ATP11A: variants seen among roughly 807,000 people sequenced by gnomAD.
ATP11A encodes ATPase phospholipid transporting 11A.
A neutral mutation model predicts 154.4 loss-of-function variants in ATP11A; 81 were observed. The observed-to-expected ratio is 0.52, with a 90% CI of 0.44 to 0.63. The LOEUF (loss-of-function observed/expected upper bound fraction) is 0.63, where lower values mean the gene tolerates loss of function less well. Among genes scored for constraint, ATP11A ranks in the 30% least tolerant of loss-of-function variants. The probability of loss-of-function intolerance (pLI) is 0.00; values close to 1 mark genes in which losing one functional copy is unlikely to be tolerated. For missense variants in ATP11A, 1,316 were observed against 1,474.3 expected (o/e 0.89, Z 1.76); for synonymous variants, 623 against 585.9 (o/e 1.06, Z -0.91).
At chr13:112,871,894 G>C (rs2080534304) in intron 26 of ATP11A, 94 bp downstream of exon 26, 4 of 1,333,778 alleles carry the variant, frequency 3.0e-6, no homozygotes, top group Admixed American at 1.8e-5. Flanking sequence ...TTATAACTCT[G>C]TACTGAGGCT....
At chr13:112,819,858 G>T (rs200308371) in intron 7 of ATP11A, 42 bp from the exon 8 acceptor site, 2 of 1,612,220 alleles carry the variant, frequency 1.2e-6, no homozygotes, top group South Asian at 1.1e-5. Flanking sequence ...CCCGGGGGCC[G>T]CTGGGCGCGT....
intron 1 of ATP11A, among the ~76,000 whole-genome samples, chr13:112,724,339 G>C (rs570437428): frequency 6.6e-6 from 1 of 151,748 alleles, no homozygotes; most frequent in Non-Finnish European, 1.5e-5. Context: ...TGCCATAAAC[G>C]TCAGGGAGGG....
intron 1 of ATP11A, among the ~76,000 whole-genome samples, chr13:112,744,359 C>T (rs551553999): frequency 1.3e-5 from 2 of 151,412 alleles, no homozygotes; most frequent in Non-Finnish European, 2.9e-5. Flanking sequence ...TCCCGGCACC[C>T]GGCTTCGGAT....
intron 25 of ATP11A, 57 bp downstream of exon 25, chr13:112,862,632 C>T: frequency 1.2e-6 from 2 of 1,608,314 alleles, no homozygotes; most frequent in East Asian, 2.2e-5. Context: ...GCCTCCCAAG[C>T]CCATATGATG....
In ATP11A at chr13:112,831,437, G is replaced by A; in HGVS notation, c.1284G>A (p.Glu428=). The change falls in exon 13 of 30, where the codon GAG becomes GAA. Residue 428 remains glutamate, a synonymous_variant. Transcript: ENST00000375645. The part of the protein sequence containing the change: ...TLTENNMEFK[E]CCIEGHVYVP... ...CGGAAAACAACATGGAGTTCAAGGA[G>A]TGCTGCATCGAAGGCCATGTCTACG... The A allele has an allele frequency of 6.2e-7, 1 of 1,614,210 alleles. No homozygotes were observed. The highest frequency in any genetic ancestry group is 8.5e-7 in the Non-Finnish European group (1 of 1,180,032).
chr13:112,871,074 G>A (rs904567998), intron 25 of ATP11A, among the ~76,000 whole-genome samples: 5 of 152,220 alleles, frequency 3.3e-5, no homozygotes, highest in African/African-American at 1.2e-4. Context: ...CTGTCTGCCG[G>A]CTTGTCTTCT....
chr13:112,840,349 C>T (rs111173910), intron 16 of ATP11A, among the ~76,000 whole-genome samples: 1 of 136,398 alleles, frequency 7.3e-6, no homozygotes, highest in Admixed American at 7.1e-5. Context: ...TCAGCCTCCC[C>T]ACTCTCCCGT....
intron 1 of ATP11A, among the ~76,000 whole-genome samples, chr13:112,721,006 G>C (rs988139618): frequency 1.3e-5 from 2 of 152,114 alleles, no homozygotes; most frequent in African/African-American, 4.8e-5. Context: ...TTTGGCTCTT[G>C]AAGTCAGAAG....
chr13:112,867,602 C>T (rs2080378541), intron 25 of ATP11A, among the ~76,000 whole-genome samples: 1 of 152,220 alleles, frequency 6.6e-6, no homozygotes, highest in Admixed American at 6.5e-5. Flanking sequence ...TCAGCTGCAC[C>T]TGGTGGTCAG....
At chr13:112,794,563 T>C (rs1354288766) in intron 2 of ATP11A, among the ~76,000 whole-genome samples, 2 of 152,150 alleles carry the variant, frequency 1.3e-5, no homozygotes, top group Admixed American at 6.5e-5. Context: ...CAGCCCTCAG[T>C]GCCTGATTAG....
intron 25 of ATP11A, among the ~76,000 whole-genome samples, chr13:112,867,647 G>A (rs943028266): frequency 2.6e-5 from 4 of 152,182 alleles, no homozygotes; most frequent in Admixed American, 1.3e-4. Flanking sequence ...CCTGGGATCC[G>A]AGGATTTCTA....
intron 1 of ATP11A, among the ~76,000 whole-genome samples, chr13:112,699,334 G>A (rs1306747621): frequency 1.3e-5 from 2 of 152,176 alleles, no homozygotes; most frequent in African/African-American, 4.8e-5. Context: ...CCATTTTTCT[G>A]TGGTTTTTAT....
In ATP11A at chr13:112,772,256, C is replaced by T. The variant is rs962105186; in HGVS notation, c.40-12879C>T. 2.0e-5 allele frequency among the ~76,000 whole-genome samples: 3 copies of T among 152,050 alleles called. No homozygotes were observed. The East Asian group carries it at 5.8e-4, about 29-fold the overall frequency. ...CTAAACTTTAAAAATGTTGCTGACA[C>T]GAAAATTGAGAGAAGCCTACGTTTG... On this transcript the variant is annotated intron_variant, in intron 1 of 29. Coordinates refer to ENST00000375645, the MANE Select transcript of ATP11A (RefSeq NM_015205.3).
Position 112,825,415 on chromosome 13 carries a change from G to C in ATP11A, c.873-15G>C, listed in dbSNP as rs1305813820. On this transcript the variant is annotated splice_polypyrimidine_tract_variant and intron_variant, in intron 10 of 29. Transcript: ENST00000375645. ...TCCTCAGGGACCAGTGATCACCTCT[G>C]TCCTTTTGTTTTAGATCGATGAATG... The C allele has an allele frequency of 1.1e-5, 18 of 1,602,678 alleles. No homozygotes were observed. Among genetic ancestry groups the C allele is most frequent in the Non-Finnish European group, 1.5e-5 (18 of 1,174,016 alleles).
intron 1 of ATP11A, among the ~76,000 whole-genome samples, chr13:112,748,606 T>G (rs1015715599): frequency 4.6e-5 from 7 of 152,130 alleles, no homozygotes; most frequent in African/African-American, 1.7e-4. Flanking sequence ...ACTCATGCGA[T>G]CCATTCGCCG....
rs574887292 is a variant in ATP11A, at chr13:112,748,884, T to C, written c.40-36251T>C. 8.1e-4 allele frequency among the ~76,000 whole-genome samples: 124 copies of C among 152,340 alleles called. 1 individual carries two copies. The highest frequency in any genetic ancestry group is 1.7e-3 in the Admixed American group (26 of 15,300). On this transcript the variant is annotated intron_variant, in intron 1 of 29. Transcript: ENST00000375645. ...AACTACTGGAGGAGCTTCGAGGTCA[T>C]GCCAGTGTCCTTAACACTCGCGTTT...
chr13:112,867,490 G>A (rs1457638786), intron 25 of ATP11A, among the ~76,000 whole-genome samples: 1 of 152,200 alleles, frequency 6.6e-6, no homozygotes, highest in Non-Finnish European at 1.5e-5. Flanking sequence ...TCCTGAATGA[G>A]GTGCTGGCAA....
At chr13:112,791,468 C>T (rs565654503) in intron 2 of ATP11A, among the ~76,000 whole-genome samples, 38 of 152,348 alleles carry the variant, frequency 2.5e-4, no homozygotes, top group South Asian at 6.2e-4. Context: ...CCAGCAGCAG[C>T]GGCAGAGCTT....
At chr13:112,873,157 G>A (rs376488288) in intron 26 of ATP11A, among the ~76,000 whole-genome samples, 48 of 50,824 alleles carry the variant, frequency 9.4e-4, no homozygotes, top group South Asian at 1.7e-3. Flanking sequence ...GTCTTCCTGA[G>A]TGGTGTGAGG....
Sources: allele counts gnomAD v4.1 joint callset (sites outside exome capture counted in the v4.1 genomes callset), GRCh38; gene constraint gnomAD v4.1.1; transcripts MANE v1.5; gene names NCBI Gene and HGNC (gene_info 2026-07-23, HGNC 2026-07-21).